The following FANK1 variants were observed in gnomAD, a reference collection of about 807,000 sequenced individuals.
FANK1 encodes the protein fibronectin type 3 and ankyrin repeat domains protein 1.
Under a neutral mutation model 45.3 loss-of-function variants are expected in FANK1, and 44 were observed. That is an observed-to-expected ratio of 0.97 (90% confidence interval 0.76 to 1.25). The LOEUF is 1.25. Among genes scored for constraint, FANK1 ranks in the 50% most tolerant of loss-of-function variants. FANK1 has a pLI of 0.00. For missense variants in FANK1, 391 were observed against 424.4 expected (o/e 0.92, Z 0.69); for synonymous variants, 149 against 152.5 (o/e 0.98, Z 0.17).
chr10:125,939,164 G>C (rs1001483589), intron 1 of FANK1, among the ~76,000 whole-genome samples: 1 of 152,170 alleles, frequency 6.6e-6, no homozygotes, highest in Non-Finnish European at 1.5e-5. Flanking sequence ...TCTTAAATGT[G>C]AATGTGAAAG....
chr10:125,998,215 G>C (rs923013340), intron 6 of FANK1, among the ~76,000 whole-genome samples: 7 of 152,224 alleles, frequency 4.6e-5, no homozygotes, highest in Non-Finnish European at 1.0e-4. Context: ...AACACACACA[G>C]AACCAGGGCT....
In FANK1 at chr10:125,906,515, C is replaced by CAAAAAAAAAAAAAAAAAAAAAAAA. The variant is rs34132526; in HGVS notation, c.13+9866_13+9889dup. Among the ~76,000 whole-genome samples, 15 of 46,422 alleles carry CAAAAAAAAAAAAAAAAAAAAAAAA rather than the reference C, an allele frequency of 3.2e-4. 2 individuals are homozygous for CAAAAAAAAAAAAAAAAAAAAAAAA. Among genetic ancestry groups the CAAAAAAAAAAAAAAAAAAAAAAAA allele is most frequent in the African/African-American group, 7.4e-4 (10 of 13,428 alleles). 30.5% of individuals were successfully genotyped at this position (46,422 alleles called of 152,430 possible). A position where few individuals can be genotyped will look rare whatever the true frequency, so the allele number is the denominator to read the frequency against. On this transcript the variant is annotated intron_variant, in intron 1 of 10. Coordinates refer to ENST00000368693, the MANE Select transcript of FANK1 (RefSeq NM_145235.5). ...TTGGGGACAGAGCAAGACTCTGTCT[C>CAAAAAAAAAAAAAAAAAAAAAAAA]AAAAAAAAAAAAAAAAAAAAAAAAA...
chr10:126,004,822 A>G, intron 6 of FANK1, 62 bp from the exon 7 acceptor site: 1 of 1,564,748 alleles, frequency 6.4e-7, no homozygotes, highest in Non-Finnish European at 8.8e-7. Flanking sequence ...GTAGGGTAAA[A>G]GGTGGAGCTG....
At chr10:125,917,018 C>A (rs1946501223) in intron 1 of FANK1, among the ~76,000 whole-genome samples, 1 of 152,360 alleles carries the variant, frequency 6.6e-6, no homozygotes, top group African/African-American at 2.4e-5. Flanking sequence ...TGTCCTCTCA[C>A]AATTTTCTGC....
chr10:125,955,836 T>G (rs776638785), intron 1 of FANK1, among the ~76,000 whole-genome samples: 2 of 152,218 alleles, frequency 1.3e-5, no homozygotes, highest in Non-Finnish European at 2.9e-5. Flanking sequence ...AAGTGATTAT[T>G]CAGCTCCAAA....
chr10:125,990,896 G>C (rs1445794243), intron 3 of FANK1, among the ~76,000 whole-genome samples: 1 of 152,194 alleles, frequency 6.6e-6, no homozygotes, highest in Non-Finnish European at 1.5e-5. Context: ...AGGCAAGAGA[G>C]AGCATGTGCA....
chr10:126,006,809 A>G (rs1342082082), intron 7 of FANK1, among the ~76,000 whole-genome samples: 6 of 152,196 alleles, frequency 3.9e-5, no homozygotes, highest in South Asian at 4.1e-4. Flanking sequence ...GCAGTGAGCC[A>G]AGATTGTGCC....
At chr10:126,007,992 A>G (rs1446622251) in intron 7 of FANK1, among the ~76,000 whole-genome samples, 1 of 152,178 alleles carries the variant, frequency 6.6e-6, no homozygotes, top group Non-Finnish European at 1.5e-5. Flanking sequence ...CCTGCCTAAA[A>G]TTGATAAGTA....
At chr10:125,989,566 C>T (rs1028742280) in intron 3 of FANK1, 8 of 706,380 alleles carry the variant, frequency 1.1e-5, no homozygotes, top group Middle Eastern at 3.7e-4. Context: ...GTGGTACCTT[C>T]AGTTGCAGAC....
intron 1 of FANK1, among the ~76,000 whole-genome samples, chr10:125,896,973 C>G (rs1294782582): frequency 6.6e-6 from 1 of 152,240 alleles, no homozygotes; most frequent in Non-Finnish European, 1.5e-5. Flanking sequence ...CCGGACGGTT[C>G]CATTTACTCC....
At chr10:125,948,605 A>G in intron 1 of FANK1, among the ~76,000 whole-genome samples, 1 of 152,230 alleles carries the variant, frequency 6.6e-6, no homozygotes, top group East Asian at 1.9e-4. Flanking sequence ...AGGATCTGAA[A>G]TTGTGGCAAT....
intron 1 of FANK1, among the ~76,000 whole-genome samples, chr10:125,959,000 A>G (rs1353517604): frequency 6.6e-6 from 1 of 152,244 alleles, no homozygotes; most frequent in African/African-American, 2.4e-5. Flanking sequence ...CAAAATAAAT[A>G]AAACACTTGT....
intron 1 of FANK1, among the ~76,000 whole-genome samples, chr10:125,968,915 A>G (rs1950327588): frequency 6.6e-6 from 1 of 152,182 alleles, no homozygotes; most frequent in Non-Finnish European, 1.5e-5. Context: ...GCGACAGTGT[A>G]TGAAGCCCTT....
At chr10:125,966,602 G>T (rs1443986556) in intron 1 of FANK1, among the ~76,000 whole-genome samples, 1 of 152,042 alleles carries the variant, frequency 6.6e-6, no homozygotes, top group Non-Finnish European at 1.5e-5. Flanking sequence ...TTTTTCCTTG[G>T]AAATAAATGT....
chr10:126,007,732 TCTTTA>T (rs1398450711), intron 7 of FANK1, among the ~76,000 whole-genome samples: 1 of 152,238 alleles, frequency 6.6e-6, no homozygotes, highest in African/African-American at 2.4e-5. Context: ...CACGTATCTG[TCTTTA>T]CTTCAGCACC....
chr10:125,964,394 T>A (rs1468042009), intron 1 of FANK1, among the ~76,000 whole-genome samples: 1 of 151,992 alleles, frequency 6.6e-6, no homozygotes, highest in African/African-American at 2.4e-5. Context: ...GGTTTCACTA[T>A]GTTGGCCAGG....
intron 1 of FANK1, among the ~76,000 whole-genome samples, chr10:125,898,023 A>AG (rs1944716476): frequency 9.5e-6 from 1 of 105,106 alleles, no homozygotes; most frequent in African/African-American, 3.3e-5. Flanking sequence ...AAAAAAAAAA[A>AG]AAAAAAAAAA....
chr10:125,898,765 G>A (rs1160756019), intron 1 of FANK1, among the ~76,000 whole-genome samples: 1 of 151,996 alleles, frequency 6.6e-6, no homozygotes, highest in African/African-American at 2.4e-5. Context: ...TCATGTCATT[G>A]GATTTTGAGG....
At chr10:125,975,755 G>A (rs1440421646) in intron 1 of FANK1, among the ~76,000 whole-genome samples, 6 of 152,148 alleles carry the variant, frequency 3.9e-5, no homozygotes, top group Non-Finnish European at 5.9e-5. Context: ...CCTTTTAAGT[G>A]GGGCATTTAG....
Sources: gnomAD v4.1 joint callset for allele counts (sites outside exome capture counted in the v4.1 genomes callset) on GRCh38, gnomAD v4.1.1 for gene constraint, MANE v1.5 for transcripts, NCBI Gene and HGNC (gene_info 2026-07-23, HGNC 2026-07-21) for gene names.